DNM3: variants seen among roughly 807,000 people sequenced by gnomAD.
The protein encoded by DNM3 is dynamin-3.
DNM3 carries 47 observed loss-of-function variants against 101.6 expected under a neutral mutation model. That is an observed-to-expected ratio of 0.46 (90% CI 0.37 to 0.59). The LOEUF (loss-of-function observed/expected upper bound fraction) is 0.59, where lower values mean the gene tolerates loss of function less well. DNM3 is among the 20% of genes least tolerant of loss of function. The pLI is 0.00. For missense variants in DNM3, 849 were observed against 1,085.7 expected (o/e 0.78, Z 3.06); for synonymous variants, 385 against 387.9 (o/e 0.99, Z 0.09).
chr1:171,995,045 C>T lies in DNM3; in HGVS notation c.589+5897C>T, dbSNP rs150393592. ...ACTGTAGAGATGAGAGGGGGATGGG[C>T]ATAGGGCAAGTTCAAACACCATACG... On this transcript the variant is annotated intron_variant, in intron 4 of 20. Coordinates refer to ENST00000627582, the MANE Select transcript of DNM3 (RefSeq NM_015569.5). Among the ~76,000 whole-genome samples the T allele has an allele frequency of 4.4e-3, 658 of 148,626 alleles. 8 individuals carry two copies. Among genetic ancestry groups the T allele is most frequent in the Middle Eastern group, 0.035 (10 of 282 alleles).
At chr1:172,331,846 C>T (rs1045126531) in intron 17 of DNM3, among the ~76,000 whole-genome samples, 1 of 152,012 alleles carries the variant, frequency 6.6e-6, no homozygotes. Flanking sequence ...AAAGAAAAAA[C>T]AGGGAAGTGG....
chr1:171,870,504 C>T (rs912076822), intron 1 of DNM3, among the ~76,000 whole-genome samples: 1 of 151,800 alleles, frequency 6.6e-6, no homozygotes, highest in African/African-American at 2.4e-5. Flanking sequence ...AAAAAAAAAC[C>T]CTCTGAAGTC....
rs151010832 is a variant in DNM3 at position 172,084,517 on chromosome 1, A to G, written c.1493+2615A>G. Among the ~76,000 whole-genome samples the G allele has an allele frequency of 3.8e-3, 572 of 152,256 alleles. 7 individuals are homozygous for G. Among genetic ancestry groups the G allele is most frequent in the African/African-American group, 0.013 (554 of 41,558 alleles). ...CTTTCCATTTGTATGTCGACTTGGAATTGACATGGGGTGACGTGGAGTGAT... is the reference window on the plus strand; with the variant it reads ...CTTTCCATTTGTATGTCGACTTGGAGTTGACATGGGGTGACGTGGAGTGAT... On this transcript the variant is annotated intron_variant, in intron 12 of 20. Coordinates refer to ENST00000627582, the MANE Select transcript of DNM3 (RefSeq NM_015569.5).
intron 14 of DNM3, among the ~76,000 whole-genome samples, chr1:172,203,445 C>T (rs1572940007): frequency 1.3e-5 from 2 of 152,296 alleles, no homozygotes; most frequent in South Asian, 4.1e-4. Context: ...ATTAAGGGAA[C>T]AGCATTTTAG....
intron 1 of DNM3, among the ~76,000 whole-genome samples, chr1:171,855,942 A>T (rs969692614): frequency 6.6e-6 from 1 of 152,128 alleles, no homozygotes; most frequent in Admixed American, 6.6e-5. Context: ...AAGTCTGCCC[A>T]TTCCTACGTC....
intron 1 of DNM3, among the ~76,000 whole-genome samples, chr1:171,904,495 C>T (rs889857067): frequency 6.6e-6 from 1 of 152,146 alleles, no homozygotes; most frequent in African/African-American, 2.4e-5. Flanking sequence ...GAATTCATGG[C>T]CCAGGCTTTT....
chr1:172,252,795 T>G (rs2062228750), intron 14 of DNM3, among the ~76,000 whole-genome samples: 1 of 152,158 alleles, frequency 6.6e-6, no homozygotes, highest in South Asian at 2.1e-4. Flanking sequence ...CATCCAATGT[T>G]TTACTAACAC....
intron 17 of DNM3, among the ~76,000 whole-genome samples, chr1:172,363,358 A>G (rs1035396061): frequency 2.6e-5 from 4 of 151,832 alleles, no homozygotes; most frequent in Non-Finnish European, 4.4e-5. Flanking sequence ...TTCCATAAAA[A>G]CCGATTTCTC....
At chr1:172,335,034 A>G in intron 17 of DNM3, among the ~76,000 whole-genome samples, 1 of 152,174 alleles carries the variant, frequency 6.6e-6, no homozygotes, top group East Asian at 1.9e-4. Flanking sequence ...CTGAGTCTTT[A>G]TCAGGAAAAA....
chr1:172,141,411 C>A (rs969888037), intron 14 of DNM3, among the ~76,000 whole-genome samples: 1 of 151,960 alleles, frequency 6.6e-6, no homozygotes, highest in East Asian at 1.9e-4. Flanking sequence ...ATTATTTTGA[C>A]GTTATTGTGA....
chr1:172,295,287 G>A (rs147767033), intron 15 of DNM3, among the ~76,000 whole-genome samples: 293 of 152,238 alleles, frequency 1.9e-3, no homozygotes, highest in African/African-American at 6.9e-3. Context: ...TTTACAACGG[G>A]GAAGTCCAGG....
chr1:172,017,549 G>C (rs2047530592), intron 4 of DNM3, among the ~76,000 whole-genome samples: 1 of 152,100 alleles, frequency 6.6e-6, no homozygotes, highest in Admixed American at 6.5e-5. Context: ...ACTGTGATCT[G>C]ATAACAGACA....
rs111864681 is a variant in DNM3 at position 171,975,869 on chromosome 1, C to T, written c.236-11787C>T. ...GGTTTGTGCCTGTAATCCTAGCCAG[C>T]AGAGAGACTGCTTGAGCCCAGGAGT... is the stretch of plus-strand genomic sequence containing the variant. On this transcript the variant is annotated intron_variant, in intron 2 of 20. Transcript: ENST00000627582. 9.0e-3 allele frequency among the ~76,000 whole-genome samples: 1,364 copies of T among 152,256 alleles called. 27 individuals are homozygous for T. The highest frequency in any genetic ancestry group is 0.031 in the African/African-American group (1,293 of 41,530).
chr1:172,290,198 T>C (rs180784312), intron 15 of DNM3: 62 of 172,082 alleles, frequency 3.6e-4, no homozygotes, highest in African/African-American at 1.4e-3. Context: ...GTGCTGTAGT[T>C]AGATGAGGCA....
At chr1:172,036,916 C>T (rs2049010759) in intron 6 of DNM3, among the ~76,000 whole-genome samples, 2 of 151,664 alleles carry the variant, frequency 1.3e-5, no homozygotes, top group Admixed American at 6.6e-5. Flanking sequence ...GGCTAATATC[C>T]AGAATCTACA....
chr1:172,253,215 A>T (rs2062249431), intron 14 of DNM3, among the ~76,000 whole-genome samples: 1 of 152,094 alleles, frequency 6.6e-6, no homozygotes, highest in Non-Finnish European at 1.5e-5. Flanking sequence ...ATTTAAAAAC[A>T]TCTAAAAGGA....
intron 13 of DNM3, among the ~76,000 whole-genome samples, chr1:172,121,727 T>G (rs947002124): frequency 6.6e-6 from 1 of 152,228 alleles, no homozygotes; most frequent in Non-Finnish European, 1.5e-5. Context: ...TTTAAACTTA[T>G]GCCTGTGTTA....
At chr1:172,066,346 C>T (rs529991516) in intron 10 of DNM3, among the ~76,000 whole-genome samples, 3 of 152,286 alleles carry the variant, frequency 2.0e-5, no homozygotes, top group African/African-American at 7.2e-5. Flanking sequence ...TTATTTCTTA[C>T]AGTTATGGAA....
chr1:172,326,019 T>G (rs764383707), intron 17 of DNM3, among the ~76,000 whole-genome samples: 2 of 152,186 alleles, frequency 1.3e-5, no homozygotes, highest in Non-Finnish European at 2.9e-5. Context: ...ACAGCCAAAT[T>G]GATCTGCTTC....
Sources: allele counts gnomAD v4.1 joint callset (sites outside exome capture counted in the v4.1 genomes callset), GRCh38; gene constraint gnomAD v4.1.1; transcripts MANE v1.5; gene names NCBI Gene and HGNC (gene_info 2026-07-23, HGNC 2026-07-21).